Variants in SLC25A44 observed in about 807,000 individuals in gnomAD.
SLC25A44 encodes solute carrier family 25, member 44.
SLC25A44 carries 17 observed loss-of-function variants against 29.9 expected under a neutral mutation model. The ratio of observed to expected loss-of-function variants is 0.57; its 90% CI spans 0.39 to 0.85. The LOEUF (loss-of-function observed/expected upper bound fraction) is 0.85, where lower values mean the gene tolerates loss of function less well. Among genes scored for constraint, SLC25A44 ranks in the 40% least tolerant of loss-of-function variants. SLC25A44 has a pLI of 0.00. For missense variants in SLC25A44, 302 were observed against 398.4 expected (o/e 0.76, Z 2.06); for synonymous variants, 140 against 151.8 (o/e 0.92, Z 0.57).
intron 3 of SLC25A44, among the ~76,000 whole-genome samples, chr1:156,208,693 T>C (rs1404171015): frequency 6.6e-6 from 1 of 152,208 alleles, no homozygotes; most frequent in Non-Finnish European, 1.5e-5. Flanking sequence ...ATAAGAAATA[T>C]CGATTTCAGT....
intron 3 of SLC25A44, among the ~76,000 whole-genome samples, chr1:156,209,346 G>A (rs1657149911): frequency 6.6e-6 from 1 of 152,154 alleles, no homozygotes; most frequent in Non-Finnish European, 1.5e-5. Flanking sequence ...GGAAGGGTTA[G>A]GGAAGCAGAG....
At position 156,194,182 on chromosome 1, in the gene SLC25A44, C is replaced by T. The variant is rs1015346875; in HGVS notation, c.-79C>T. The T allele has an allele frequency of 6.5e-6, 1 of 152,836 alleles. No homozygotes were observed. Among genetic ancestry groups the T allele is most frequent in the Non-Finnish European group, 1.5e-5 (1 of 68,076 alleles). The allele number at this position is 152,836 out of a possible 1,614,324, so 9.5% of individuals were successfully genotyped here. ...CTGGGAACGACGGATAGACTGGGGG[C>T]TGCGGCCTAGAGGTCCGGGCTTGGA... is the stretch of plus-strand genomic sequence containing the variant. On this transcript the variant is annotated 5_prime_UTR_variant, in exon 1 of 4. Transcript: ENST00000359511.
intron 2 of SLC25A44, among the ~76,000 whole-genome samples, chr1:156,201,085 C>T (rs1041576751): frequency 6.6e-6 from 1 of 151,970 alleles, no homozygotes; most frequent in Non-Finnish European, 1.5e-5. Context: ...CTGCCCGCCT[C>T]GGCCTCCCAA....
chr1:156,207,478 A>G (rs1268475604), intron 2 of SLC25A44, among the ~76,000 whole-genome samples: 1 of 151,896 alleles, frequency 6.6e-6, no homozygotes, highest in African/African-American at 2.4e-5. Context: ...CGCGCCCGGC[A>G]CTACAAAACA....
intron 2 of SLC25A44, among the ~76,000 whole-genome samples, chr1:156,205,191 G>A (rs1221571677): frequency 6.6e-6 from 1 of 152,114 alleles, no homozygotes; most frequent in Non-Finnish European, 1.5e-5. Context: ...TTATAGGCAT[G>A]CGCCATCACA....
At chr1:156,208,558 C>G (rs1359413002) in intron 3 of SLC25A44, among the ~76,000 whole-genome samples, 1 of 152,214 alleles carries the variant, frequency 6.6e-6, no homozygotes, top group Non-Finnish European at 1.5e-5. Context: ...TACCTCTCCT[C>G]CATCACATGC....
chr1:156,196,204 A>G (rs1196796085), intron 1 of SLC25A44: 1 of 152,236 alleles, frequency 6.6e-6, no homozygotes, highest in Non-Finnish European at 1.5e-5. Context: ...TTCAGAGGGT[A>G]AAACAAGAAG....
At position 156,211,021 on chromosome 1, in the gene SLC25A44, G is replaced by A. The variant is rs1657268811; in HGVS notation, c.*590G>A. 6.6e-6 allele frequency: 1 copy of A among 152,308 alleles called. No homozygotes were observed. The highest frequency in any genetic ancestry group is 1.5e-5 in the Non-Finnish European group (1 of 68,474). 9.4% of individuals were successfully genotyped at this position (152,308 alleles called of 1,614,324 possible). ...GAGCACTCGTCCTCTCTTTGGAGGG[G>A]TTATTAGGTTGGGAGAAATGTTGAT... On this transcript the variant is annotated 3_prime_UTR_variant, in exon 4 of 4. Coordinates refer to ENST00000359511, the MANE Select transcript of SLC25A44 (RefSeq NM_014655.4).
Position 156,210,851 on chromosome 1 carries a change from T to A in SLC25A44, c.*420T>A. On this transcript the variant is annotated 3_prime_UTR_variant, in exon 4 of 4. Coordinates refer to ENST00000359511, the MANE Select transcript of SLC25A44 (RefSeq NM_014655.4). The stretch of plus-strand genomic sequence containing the variant: ...CCAAGCAGCTGCTATCAACCCTCTC[T>A]CCCTTCATCTCTTAGCCTTGCTTAT... 1 of 152,564 alleles carries A rather than the reference T, an allele frequency of 6.6e-6. No homozygotes were observed. Among genetic ancestry groups the A allele is most frequent in the Non-Finnish European group, 1.5e-5 (1 of 68,302 alleles). The allele number at this position is 152,564 out of a possible 1,614,324, so 9.5% of individuals were successfully genotyped here.
chr1:156,195,481 C>T (rs547455442), intron 1 of SLC25A44, among the ~76,000 whole-genome samples: 1 of 152,208 alleles, frequency 6.6e-6, no homozygotes, highest in Non-Finnish European at 1.5e-5. Context: ...GCTCATCCTC[C>T]GTCCCCCGCA....
rs997307585 is a variant in SLC25A44 at position 156,198,408 on chromosome 1, T to C, written c.-13-1427T>C. On this transcript the variant is annotated intron_variant, in intron 1 of 3. Coordinates refer to ENST00000359511, the MANE Select transcript of SLC25A44 (RefSeq NM_014655.4). The surrounding 1 kb of genome is among the most constrained non-coding windows in gnomAD (Gnocchi z 4.1). The stretch of plus-strand genomic sequence containing the variant: ...TTCTAGGCATTGGATACACTTAACA[T>C]GAGGGCTACATGTGCATCAACATAC... The C allele has an allele frequency of 2.0e-5, 3 of 151,716 alleles. No individual in the cohort carries two copies. The highest frequency in any genetic ancestry group is 7.3e-5 in the African/African-American group (3 of 40,984). 9.4% of individuals were successfully genotyped at this position (151,716 alleles called of 1,614,324 possible). A position where few individuals can be genotyped will look rare whatever the true frequency, so the allele number is the denominator to read the frequency against.
intron 2 of SLC25A44, among the ~76,000 whole-genome samples, chr1:156,205,258 G>A (rs987499019): frequency 4.6e-5 from 7 of 152,114 alleles, no homozygotes; most frequent in African/African-American, 1.7e-4. Context: ...GGTCAGACTG[G>A]TCTTGAACTC....
At chr1:156,205,475 C>T (rs1656881228) in intron 2 of SLC25A44, among the ~76,000 whole-genome samples, 2 of 152,128 alleles carry the variant, frequency 1.3e-5, no homozygotes, top group Non-Finnish European at 2.9e-5. Context: ...GGCTGCCCCT[C>T]GAACACTTGC....
rs1656462982 is a variant in SLC25A44, at chr1:156,200,070, C to T, written c.223C>T (p.Arg75Ter). Reference protein sequence around the residue: ...LRADGITGLYRGFLVNTFTLI... With the variant: ...LRADGITGLY ...AGCAGATGGTATCACTGGCCTCTACCGAGGGTTCCTGGTCAATACCTTCAC... is the reference window on the plus strand; with the variant it reads ...AGCAGATGGTATCACTGGCCTCTACTGAGGGTTCCTGGTCAATACCTTCAC... The change falls in exon 2 of 4, where the codon CGA (arginine) becomes TGA (stop). Residue 75 changes from arginine to a stop codon, truncating the protein, a stop_gained. Coordinates refer to ENST00000359511, the MANE Select transcript of SLC25A44 (RefSeq NM_014655.4). LOFTEE classifies it high-confidence loss of function. The T allele has an allele frequency of 1.9e-6, 3 of 1,613,984 alleles. No homozygotes were observed. The highest frequency in any genetic ancestry group is 2.7e-5 in the African/African-American group (2 of 74,902).
At chr1:156,204,516 C>G (rs1656807175) in intron 2 of SLC25A44, among the ~76,000 whole-genome samples, 1 of 151,564 alleles carries the variant, frequency 6.6e-6, no homozygotes, top group Non-Finnish European at 1.5e-5. Context: ...AACGGAGTTT[C>G]ACTGTTGTTG....
intron 2 of SLC25A44, among the ~76,000 whole-genome samples, chr1:156,202,239 C>T (rs1014848940): frequency 1.4e-4 from 22 of 152,214 alleles, no homozygotes; most frequent in Non-Finnish European, 3.1e-4. Flanking sequence ...TTACCTTCCT[C>T]CCAGACTGCT....
chr1:156,210,141 C>G (rs575178122), intron 3 of SLC25A44, 99 bp from the exon 4 acceptor site: 16 of 808,500 alleles, frequency 2.0e-5, no homozygotes, highest in East Asian at 5.4e-5. Flanking sequence ...CTTCCGACGT[C>G]GGAGTCTGGT....
intron 2 of SLC25A44, among the ~76,000 whole-genome samples, chr1:156,204,680 G>A (rs989198631): frequency 1.3e-5 from 2 of 151,894 alleles, no homozygotes; most frequent in African/African-American, 2.4e-5. Context: ...TAGAGATGGG[G>A]TTTTACCATG....
intron 1 of SLC25A44, chr1:156,199,555 CATGGA>C: frequency 2.3e-6 from 1 of 435,622 alleles, no homozygotes. Context: ...CCGAGGAGGC[CATGGA>C]GCCAGGGGAA....
Sources: gnomAD v4.1 joint callset for allele counts (sites outside exome capture counted in the v4.1 genomes callset) on GRCh38, gnomAD v4.1.1 for gene constraint, Gnocchi (gnomAD v3.1) non-coding constraint, MANE v1.5 for transcripts, NCBI Gene and HGNC (gene_info 2026-07-23, HGNC 2026-07-21) for gene names.